The following CFAP47 variants were observed in gnomAD, a reference collection of about 807,000 sequenced individuals.
The protein encoded by CFAP47 is cilia- and flagella-associated protein 47.
A neutral mutation model predicts 148.1 loss-of-function variants in CFAP47; 29 were observed. The ratio of observed to expected loss-of-function variants is 0.20; its 90% CI spans 0.15 to 0.27. The LOEUF is 0.27. Ranked by LOEUF, CFAP47 falls within the 10% of genes least tolerant of loss-of-function variation. The pLI, the probability that CFAP47 is intolerant of heterozygous loss-of-function variation, is 1.00. For synonymous variants in CFAP47, 664 were observed against 577.3 expected, an observed-to-expected ratio of 1.15 and a Z score of -2.15; for missense variants, 1,872 against 1,697.5, an observed-to-expected ratio of 1.10 and a Z score of -1.81.
chrX:36,237,815 G>T (rs1940489017), intron 48 of CFAP47, among the ~76,000 whole-genome samples: 1 of 111,058 alleles, frequency 9.0e-6, no homozygotes, highest in Admixed American at 9.6e-5. Flanking sequence ...ATTTTAGAGG[G>T]GACTACAGAA....
At chrX:35,935,538 T>G (rs1359602202) in intron 2 of CFAP47, among the ~76,000 whole-genome samples, 1 of 108,264 alleles carries the variant, frequency 9.2e-6, no homozygotes, top group African/African-American at 3.4e-5. Flanking sequence ...GTACTGTGAG[T>G]GCTCACCTGA....
At position 36,229,831 on chromosome X, in the gene CFAP47, A is replaced by G. The variant is rs1181293094; in HGVS notation, c.7014+1007A>G. 9.8e-5 allele frequency among the ~76,000 whole-genome samples: 9 copies of G among 91,798 alleles called. 1 individual carries two copies. The highest frequency in any genetic ancestry group is 7.3e-4 in the East Asian group (2 of 2,735). 79.7% of individuals were successfully genotyped at this position (91,798 alleles called of 115,157 possible). ...TTTGTCCATGTGTTCTCATTGTTCA[A>G]TTCCCACCTATGAGTGAGAATATGC... On this transcript the variant is annotated intron_variant, in intron 46 of 63. Coordinates refer to ENST00000378653, the MANE Select transcript of CFAP47 (RefSeq NM_001304548.2).
chrX:35,971,939 C>G lies in CFAP47; in HGVS notation c.2228C>G (p.Pro743Arg), dbSNP rs1323856634. 1.7e-6 allele frequency: 2 copies of G among 1,183,828 alleles called. No homozygotes were observed. Among genetic ancestry groups the G allele is most frequent in the African/African-American group, 1.8e-5 (1 of 56,663 alleles). The part of the protein sequence containing the change: ...EKHDCSLMLT[P>R]KQIHQVIVGP... ...CATGATTGCAGCTTAATGTTGACAC[C>G]AAAGCAAATTCATCAAGTAATTGTT... Residue 743 changes from proline (P) to arginine (R), a missense_variant, in exon 13 of 64, where the codon CCA becomes CGA. Pro to Arg is a moderately radical substitution (Grantham distance 103). Coordinates refer to ENST00000378653, the MANE Select transcript of CFAP47 (RefSeq NM_001304548.2).
At chrX:36,296,789 G>T (rs1260119338) in intron 51 of CFAP47, among the ~76,000 whole-genome samples, 1 of 111,278 alleles carries the variant, frequency 9.0e-6, no homozygotes. Context: ...GGCTCATATT[G>T]GGTTGATAGT....
chrX:36,034,274 A>C (rs757151793), intron 23 of CFAP47, among the ~76,000 whole-genome samples: 33 of 111,184 alleles, frequency 3.0e-4, no homozygotes, highest in Non-Finnish European at 5.9e-4. Flanking sequence ...TGGGTTTTGG[A>C]GAAGAATGTT....
intron 39 of CFAP47, among the ~76,000 whole-genome samples, chrX:36,177,138 A>G (rs1335609905): frequency 8.9e-6 from 1 of 111,880 alleles, no homozygotes; most frequent in Non-Finnish European, 1.9e-5. Flanking sequence ...TTTTTCTTTT[A>G]ACAGGTAGTT....
intron 37 of CFAP47, among the ~76,000 whole-genome samples, chrX:36,158,569 C>T (rs1939394929): frequency 8.9e-6 from 1 of 112,116 alleles, no homozygotes; most frequent in Non-Finnish European, 1.9e-5. Context: ...CATTAAGCTT[C>T]ATGGCCTGTA....
chrX:36,199,304 T>A (rs1939951998), intron 42 of CFAP47, among the ~76,000 whole-genome samples: 1 of 112,195 alleles, frequency 8.9e-6, no homozygotes, highest in African/African-American at 3.2e-5. Flanking sequence ...AGAGGTTTAG[T>A]AAACTTGCTT....
At chrX:36,116,459 T>A (rs1283474902) in intron 33 of CFAP47, among the ~76,000 whole-genome samples, 1 of 112,426 alleles carries the variant, frequency 8.9e-6, no homozygotes, top group Non-Finnish European at 1.9e-5. Context: ...TACGTTTAAA[T>A]ATATAATAGT....
chrX:36,310,894 A>G lies in CFAP47; in HGVS notation c.8249A>G (p.Glu2750Gly). 1 of 1,146,749 alleles carries G rather than the reference A, an allele frequency of 8.7e-7. No homozygotes were observed. The highest frequency in any genetic ancestry group is 1.2e-6 in the Non-Finnish European group (1 of 855,860). 94.5% of individuals were successfully genotyped at this position (1,146,749 alleles called of 1,213,427 possible). Reference sequence around the variant, plus strand: ...CTATTTCCCCAGCCTCTAGACACGGAAAGAATAACCACACGCATTGGTCTT... The same window carrying G: ...CTATTTCCCCAGCCTCTAGACACGGGAAGAATAACCACACGCATTGGTCTT... ...VGLFPQPLDT[E>G]RITTRIGLQS... The change falls in exon 56 of 64, where the codon GAA becomes GGA. Residue 2750 changes from glutamate to glycine, a missense_variant. Glu to Gly is a moderately conservative substitution (Grantham distance 98). Transcript: ENST00000378653.
chrX:36,275,413 G>A (rs1281086827), intron 49 of CFAP47, among the ~76,000 whole-genome samples: 4 of 87,858 alleles, frequency 4.6e-5, no homozygotes, highest in Non-Finnish European at 8.4e-5. Flanking sequence ...AAGTGAGATC[G>A]TCGTGTGTGT....
chrX:36,310,304 C>T (rs782780865), intron 55 of CFAP47, among the ~76,000 whole-genome samples: 47 of 110,972 alleles, frequency 4.2e-4, no homozygotes, highest in Non-Finnish European at 8.0e-4. Flanking sequence ...TTCATTTATC[C>T]ATATCATGTG....
chrX:36,085,314 G>T lies in CFAP47; in HGVS notation c.4692G>T (p.Arg1564Ser), dbSNP rs1041037829. Residue 1564 changes from arginine (R) to serine (S), a missense_variant and splice_region_variant, in exon 30 of 64, where the codon AGG becomes AGT. Arg to Ser is a moderately radical substitution (Grantham distance 110). Coordinates refer to ENST00000378653, the MANE Select transcript of CFAP47 (RefSeq NM_001304548.2). ...TTAATTTTAAGTCTTTTTCTCATAG[G>T]GATGTATATAAAATGCAATTCTACT... is the stretch of plus-strand genomic sequence containing the variant. ...HSFSIPETIR[R>S]DVYKMQFYSS... The T allele has an allele frequency of 8.7e-7, 1 of 1,144,110 alleles. No individual in the cohort carries two copies. Among genetic ancestry groups the T allele is most frequent in the Non-Finnish European group, 1.2e-6 (1 of 839,823 alleles). The allele number at this position is 1,144,110 out of a possible 1,213,427, so 94.3% of individuals were successfully genotyped here.
chrX:36,218,614 A>C (rs1202880693), intron 45 of CFAP47, among the ~76,000 whole-genome samples: 3 of 111,702 alleles, frequency 2.7e-5, no homozygotes, highest in Non-Finnish European at 5.6e-5. Flanking sequence ...GAAAAAGCCA[A>C]ACTCTGTGAA....
intron 49 of CFAP47, among the ~76,000 whole-genome samples, chrX:36,263,280 C>T (rs62590741): frequency 0.12 from 13,920 of 111,400 alleles, 693 homozygotes; most frequent in East Asian, 0.26. Flanking sequence ...GGAGCTCCAT[C>T]GTATGTTATT....
At chrX:35,922,894 T>G (rs961640238) in intron 1 of CFAP47, among the ~76,000 whole-genome samples, 2 of 111,644 alleles carry the variant, frequency 1.8e-5, no homozygotes, top group African/African-American at 6.5e-5. Context: ...TTATTCTTGT[T>G]TCTGCTTGTG....
At chrX:36,371,452 T>C (rs1941932334) in intron 62 of CFAP47, among the ~76,000 whole-genome samples, 1 of 107,718 alleles carries the variant, frequency 9.3e-6, no homozygotes, top group South Asian at 4.0e-4. Flanking sequence ...AAATCTTCTG[T>C]AGATGAGCAT....
intron 62 of CFAP47, among the ~76,000 whole-genome samples, chrX:36,371,355 A>G (rs1941931360): frequency 9.1e-6 from 1 of 109,748 alleles, no homozygotes; most frequent in Non-Finnish European, 1.9e-5. Flanking sequence ...ATTAGAAACA[A>G]ATGGTTTCCT....
rs1941685737 is a variant in CFAP47 at position 36,345,050 on chromosome X, G to A, written c.8444-3079G>A. ...ACCACAATAAAAATATTAGTCAAAA[G>A]CAAAGGAGTAGGTTGGGTTCAAATA... On this transcript the variant is annotated intron_variant, in intron 57 of 63. Coordinates refer to ENST00000378653, the MANE Select transcript of CFAP47 (RefSeq NM_001304548.2). Among the ~76,000 whole-genome samples the A allele has an allele frequency of 4.5e-5, 5 of 111,860 alleles. No homozygotes were observed. The South Asian group carries it at 1.9e-3, about 42-fold the overall frequency.
Sources: gnomAD v4.1 joint callset for allele counts (sites outside exome capture counted in the v4.1 genomes callset) on GRCh38, gnomAD v4.1.1 for gene constraint, MANE v1.5 for transcripts, NCBI Gene and HGNC (gene_info 2026-07-23, HGNC 2026-07-21) for gene names.